The following NYAP2 variants were observed in gnomAD, a reference collection of about 807,000 sequenced individuals.
NYAP2 encodes neuronal tyrosine-phosphorylated phosphoinositide-3-kinase adaptor 2, also known as neuronal tyrosine-phosphorylated phosphoinositide-3-kinase adapter 2.
Under a neutral mutation model 50.4 loss-of-function variants are expected in NYAP2, and 23 were observed. That is an observed-to-expected ratio of 0.46 (90% confidence interval 0.33 to 0.65). The LOEUF is 0.65. Ranked by LOEUF, NYAP2 falls within the 30% of genes least tolerant of loss-of-function variation. The probability of loss-of-function intolerance (pLI) is 0.02; values close to 1 mark genes in which losing one functional copy is unlikely to be tolerated. For synonymous variants in NYAP2, 394 were observed against 365.2 expected (o/e 1.08, Z -0.90); for missense variants, 885 against 861.0 (o/e 1.03, Z -0.35).
At chr2:225,683,296 G>GT in the NYAP2 span, among the ~76,000 whole-genome samples, 1 of 152,036 alleles carries the variant, frequency 6.6e-6, no homozygotes, top group Non-Finnish European at 1.5e-5. Context: ...TGAAAGCTTG[G>GT]TGCTGAGAGA....
At chr2:225,672,194 A>T in the NYAP2 span, among the ~76,000 whole-genome samples, 2 of 152,264 alleles carry the variant, frequency 1.3e-5, no homozygotes, top group Admixed American at 1.3e-4. Flanking sequence ...TCTTCTTCCA[A>T]CAGAAGGCTG....
intron 5 of NYAP2, among the ~76,000 whole-genome samples, chr2:225,621,047 G>A (rs527869226): frequency 3.8e-4 from 58 of 151,704 alleles, no homozygotes; most frequent in African/African-American, 1.3e-3. Flanking sequence ...CCGGGAGGCG[G>A]AGCTTGCGGT....
intron 3 of NYAP2, among the ~76,000 whole-genome samples, chr2:225,447,067 A>G (rs1354427505): frequency 6.6e-6 from 1 of 151,930 alleles, no homozygotes; most frequent in Non-Finnish European, 1.5e-5. Flanking sequence ...CAAGATTGAT[A>G]AGAAATTGCC....
At chr2:225,586,832 G>T (rs1341610880) in intron 5 of NYAP2, among the ~76,000 whole-genome samples, 1 of 152,066 alleles carries the variant, frequency 6.6e-6, no homozygotes, top group African/African-American at 2.4e-5. Flanking sequence ...TTTTTTAAAA[G>T]AAATGTTTAA....
At chr2:225,561,716 C>A (rs1691877873) in intron 4 of NYAP2, among the ~76,000 whole-genome samples, 1 of 152,068 alleles carries the variant, frequency 6.6e-6, no homozygotes, top group South Asian at 2.1e-4. Flanking sequence ...AGTAACAATT[C>A]ACCCAGATAG....
intron 3 of NYAP2, among the ~76,000 whole-genome samples, chr2:225,449,194 T>C (rs1272343578): frequency 6.6e-6 from 1 of 152,222 alleles, no homozygotes; most frequent in Non-Finnish European, 1.5e-5. Flanking sequence ...CTTCGCAGCA[T>C]AATATTAGGT....
chr2:225,464,135 A>G (rs1414017373), intron 3 of NYAP2, among the ~76,000 whole-genome samples: 1 of 152,186 alleles, frequency 6.6e-6, no homozygotes, highest in Non-Finnish European at 1.5e-5. Context: ...GGTGAACAGT[A>G]GGGAGACCCA....
intron 4 of NYAP2, among the ~76,000 whole-genome samples, chr2:225,571,038 A>T (rs1196042677): frequency 6.6e-6 from 1 of 152,256 alleles, no homozygotes; most frequent in Admixed American, 6.5e-5. Context: ...TAGTCATTAA[A>T]TCTTAAAGTT....
intron 4 of NYAP2, among the ~76,000 whole-genome samples, chr2:225,558,586 G>A (rs1388608283): frequency 6.6e-6 from 1 of 152,080 alleles, no homozygotes. Flanking sequence ...AGATTCCTGT[G>A]ATTAGACTGG....
At chr2:225,483,607 T>C (rs1690243539) in intron 3 of NYAP2, among the ~76,000 whole-genome samples, 1 of 152,172 alleles carries the variant, frequency 6.6e-6, no homozygotes, top group Non-Finnish European at 1.5e-5. Flanking sequence ...CAATTTAAAA[T>C]AATAGCATGA....
chr2:225,596,182 T>C (rs987369171), intron 5 of NYAP2, among the ~76,000 whole-genome samples: 1 of 152,060 alleles, frequency 6.6e-6, no homozygotes, highest in East Asian at 1.9e-4. Context: ...CACTCTTGCC[T>C]AACATGTTAA....
chr2:225,545,769 G>T (rs1488120209), intron 4 of NYAP2, among the ~76,000 whole-genome samples: 2 of 152,026 alleles, frequency 1.3e-5, no homozygotes. Context: ...TGGTGTCTGG[G>T]GATTGAAGAG....
chr2:225,597,613 A>G (rs140700678), intron 5 of NYAP2, among the ~76,000 whole-genome samples: 1,789 of 146,668 alleles, frequency 0.012, 34 homozygotes, highest in African/African-American at 0.041. Flanking sequence ...TTGTGCTGCT[A>G]TAAACATGTG....
chr2:225,596,477 T>G (rs1301025841), intron 5 of NYAP2, among the ~76,000 whole-genome samples: 1 of 152,198 alleles, frequency 6.6e-6, no homozygotes, highest in Non-Finnish European at 1.5e-5. Context: ...CAAATATGCA[T>G]CCGACCTCCC....
At chr2:225,434,207 G>A (rs149873759) in intron 3 of NYAP2, among the ~76,000 whole-genome samples, 76 of 152,280 alleles carry the variant, frequency 5.0e-4, no homozygotes, top group African/African-American at 1.8e-3. Flanking sequence ...AAGATTGGGA[G>A]CTGTCCAGCG....
At chr2:225,635,501 C>A (rs1693398246) in intron 6 of NYAP2, among the ~76,000 whole-genome samples, 1 of 152,154 alleles carries the variant, frequency 6.6e-6, no homozygotes, top group South Asian at 2.1e-4. Flanking sequence ...TTATTCCGTT[C>A]CCATTCAATT....
intron 4 of NYAP2, among the ~76,000 whole-genome samples, chr2:225,548,389 CAT>C (rs1158599998): frequency 1.3e-5 from 2 of 150,368 alleles, no homozygotes; most frequent in East Asian, 3.9e-4. Flanking sequence ...ATAAGCATGA[CAT>C]GTGGATATAC....
chr2:225,457,501 A>G (rs1689757878), intron 3 of NYAP2, among the ~76,000 whole-genome samples: 1 of 152,222 alleles, frequency 6.6e-6, no homozygotes, highest in Non-Finnish European at 1.5e-5. Context: ...TAGACAGCAG[A>G]CACTGCTACT....
intron 4 of NYAP2, among the ~76,000 whole-genome samples, chr2:225,520,617 G>A: frequency 6.6e-6 from 1 of 152,092 alleles, no homozygotes; most frequent in African/African-American, 2.4e-5. Context: ...GCTCTGTTCT[G>A]TTCCATTGAT....
Sources: gnomAD v4.1 joint callset for allele counts (sites outside exome capture counted in the v4.1 genomes callset) on GRCh38, gnomAD v4.1.1 for gene constraint, MANE v1.5 for transcripts, NCBI Gene and HGNC (gene_info 2026-07-23, HGNC 2026-07-21) for gene names.